Variants in PCCA observed in about 807,000 individuals in gnomAD.
PCCA encodes propionyl-CoA carboxylase subunit alpha, also known as propionyl-CoA carboxylase alpha chain, mitochondrial.
In PCCA, 74 loss-of-function variants were observed where a neutral mutation model predicts 101.3. The observed-to-expected ratio is 0.73, with a 90% CI of 0.61 to 0.89. The LOEUF is 0.89. Among genes scored for constraint, PCCA ranks in the 40% least tolerant of loss-of-function variants. PCCA has a pLI of 0.00. For missense variants in PCCA, 891 were observed against 907.0 expected (o/e 0.98, Z 0.23); for synonymous variants, 294 against 313.6 (o/e 0.94, Z 0.66).
At chr13:100,300,545 T>G (rs1187624398) in intron 12 of PCCA, among the ~76,000 whole-genome samples, 2 of 152,220 alleles carry the variant, frequency 1.3e-5, no homozygotes, top group African/African-American at 4.8e-5. Flanking sequence ...TAGAAGATAC[T>G]TAATTTTTAT....
rs370097931 is a variant in PCCA, at chr13:100,412,389, G to A, written c.1747-13244G>A. On this transcript the variant is annotated intron_variant, in intron 19 of 23. Coordinates refer to ENST00000376285, the MANE Select transcript of PCCA (RefSeq NM_000282.4). ...AGGGAATCTGGGTGAAGGGTGTAAG[G>A]GAACTCCGTGTACTATTGCTATAAC... Among the ~76,000 whole-genome samples the A allele has an allele frequency of 8.5e-4, 130 of 152,242 alleles. 4 individuals are homozygous for A. In the South Asian group the frequency reaches 0.024, roughly 28 times the overall value.
chr13:100,305,387 CATA>C (rs1169326366), intron 14 of PCCA, among the ~76,000 whole-genome samples: 2 of 152,258 alleles, frequency 1.3e-5, no homozygotes, highest in South Asian at 4.1e-4. Flanking sequence ...TGTAGAAGAA[CATA>C]ATAAATATTC....
intron 21 of PCCA, among the ~76,000 whole-genome samples, chr13:100,496,429 G>T (rs531666931): frequency 1.3e-5 from 2 of 151,950 alleles, no homozygotes; most frequent in Non-Finnish European, 2.9e-5. Context: ...TTGTCAAATG[G>T]CTCTCAATTT....
intron 19 of PCCA, among the ~76,000 whole-genome samples, chr13:100,407,612 G>A (rs1016548995): frequency 6.6e-6 from 1 of 152,100 alleles, no homozygotes; most frequent in Non-Finnish European, 1.5e-5. Flanking sequence ...TAGTCAATAT[G>A]TTCACATAGA....
At chr13:100,174,502 C>G (rs1320274171) in intron 6 of PCCA, among the ~76,000 whole-genome samples, 1 of 148,916 alleles carries the variant, frequency 6.7e-6, no homozygotes, top group Non-Finnish European at 1.5e-5. Context: ...CCAAATCAGG[C>G]AGATCACTTG....
intron 18 of PCCA, among the ~76,000 whole-genome samples, chr13:100,358,456 G>A (rs1023815693): frequency 6.6e-6 from 1 of 152,144 alleles, no homozygotes; most frequent in Non-Finnish European, 1.5e-5. Context: ...TCATTTTCAA[G>A]TATTAAAGAT....
chr13:100,293,243 A>G (rs2065271418), intron 12 of PCCA: 2 of 471,522 alleles, frequency 4.2e-6, no homozygotes, highest in African/African-American at 2.0e-5. Context: ...TACTTTTACC[A>G]TGGAAGGAAA....
intron 5 of PCCA, among the ~76,000 whole-genome samples, chr13:100,156,073 G>A (rs1454713745): frequency 6.6e-6 from 1 of 151,340 alleles, no homozygotes; most frequent in Non-Finnish European, 1.5e-5. Context: ...CTTTTTTTTT[G>A]TTTTGTTTTT....
intron 19 of PCCA, among the ~76,000 whole-genome samples, chr13:100,404,424 A>G (rs540140846): frequency 3.0e-4 from 46 of 152,290 alleles, no homozygotes; most frequent in African/African-American, 3.8e-4. Context: ...TAGAGACACA[A>G]TTACCTATTT....
intron 18 of PCCA, 106 bp from the exon 19 acceptor site, chr13:100,368,366 A>G: frequency 1.5e-6 from 1 of 681,982 alleles, no homozygotes; most frequent in Non-Finnish European, 2.6e-6. Flanking sequence ...TCGCAAATAC[A>G]TTCAATGGCA....
chr13:100,244,866 A>G (rs550315843), intron 8 of PCCA, among the ~76,000 whole-genome samples: 2 of 151,202 alleles, frequency 1.3e-5, no homozygotes, highest in African/African-American at 2.4e-5. Context: ...CTGAATATTG[A>G]TTCTTATTTA....
chr13:100,179,895 T>G (rs1363346295), intron 6 of PCCA, among the ~76,000 whole-genome samples: 1 of 152,088 alleles, frequency 6.6e-6, no homozygotes, highest in Non-Finnish European at 1.5e-5. Context: ...AATAGCAGGT[T>G]TAAATGTTCT....
In PCCA at chr13:100,190,038, G is replaced by A. The variant is rs118147912; in HGVS notation, c.469-19294G>A. Among the ~76,000 whole-genome samples the A allele has an allele frequency of 7.1e-3, 1,079 of 152,300 alleles. 9 individuals carry two copies. The highest frequency in any genetic ancestry group is 0.011 in the Non-Finnish European group (741 of 68,026). On this transcript the variant is annotated intron_variant, in intron 6 of 23. Transcript: ENST00000376285. ...TTCAAATTAGTTGTCATTTCATGAG[G>A]TGTTGCCCTTCATTTCTTGGCAGGT...
At chr13:100,451,859 CCTCTCCTCTCT>C (rs1466565013) in intron 21 of PCCA, among the ~76,000 whole-genome samples, 23 of 45,614 alleles carry the variant, frequency 5.0e-4, no homozygotes, top group South Asian at 8.4e-4. Flanking sequence ...CTCTCCTCTT[CCTCTCCTCTCT>C]CTCCTCTTCC....
At chr13:100,306,879 C>G (rs1422615460) in intron 14 of PCCA, among the ~76,000 whole-genome samples, 1 of 152,224 alleles carries the variant, frequency 6.6e-6, no homozygotes, top group African/African-American at 2.4e-5. Flanking sequence ...AGGGCATCGT[C>G]CATGCCATGC....
At chr13:100,362,702 A>G (rs1284854618) in intron 18 of PCCA, among the ~76,000 whole-genome samples, 1 of 152,172 alleles carries the variant, frequency 6.6e-6, no homozygotes, top group East Asian at 1.9e-4. Flanking sequence ...TGAGATTATG[A>G]GTAACATTAC....
At chr13:100,315,928 GTGT>G (rs2067308684) in intron 16 of PCCA, among the ~76,000 whole-genome samples, 2 of 152,182 alleles carry the variant, frequency 1.3e-5, no homozygotes, top group African/African-American at 2.4e-5. Flanking sequence ...TGTTCAAATA[GTGT>G]TGTCTTTCCT....
intron 22 of PCCA, among the ~76,000 whole-genome samples, chr13:100,518,910 AATAT>A (rs1021142703): frequency 6.6e-6 from 1 of 152,194 alleles, no homozygotes; most frequent in East Asian, 1.9e-4. Context: ...AAATGTTAGA[AATAT>A]ATATATTTTC....
At position 100,089,165 on chromosome 13, in the gene PCCA, A is replaced by G. The variant is rs1480725673; in HGVS notation, c.45A>G (p.Gly15=). ...GGACAGCACCGCTGGTCGCTGCCGG[A>G]CGGCGTGGGCGGTGGCCGCCGCAGC... ...WVGTAPLVAA[G]RRGRWPPQQL... The change falls in exon 1 of 24, where the codon GGA becomes GGG. Residue 15 remains glycine, a synonymous_variant. Coordinates refer to ENST00000376285, the MANE Select transcript of PCCA (RefSeq NM_000282.4). 6.5e-7 allele frequency: 1 copy of G among 1,527,288 alleles called. No individual in the cohort carries two copies. The highest frequency in any genetic ancestry group is 2.0e-5 in the Admixed American group (1 of 50,298). 94.6% of individuals were successfully genotyped at this position (1,527,288 alleles called of 1,614,324 possible). A position where few individuals can be genotyped will look rare whatever the true frequency, so the allele number is the denominator to read the frequency against.
Sources: gnomAD v4.1 joint callset for allele counts (sites outside exome capture counted in the v4.1 genomes callset) on GRCh38, gnomAD v4.1.1 for gene constraint, MANE v1.5 for transcripts, NCBI Gene and HGNC (gene_info 2026-07-23, HGNC 2026-07-21) for gene names.